HDAC3: variants seen among roughly 807,000 people sequenced by gnomAD.
HDAC3 encodes the protein SMAP45.
HDAC3 carries 21 observed loss-of-function variants against 62.3 expected under a neutral mutation model. The ratio of observed to expected loss-of-function variants is 0.34; its 90% confidence interval spans 0.24 to 0.49. HDAC3 has a LOEUF of 0.49. Among genes scored for constraint, HDAC3 ranks in the 20% least tolerant of loss-of-function variants. The pLI is 0.99. For synonymous variants in HDAC3, 198 were observed against 206.5 expected, an observed-to-expected ratio of 0.96 and a Z score of 0.35; for missense variants, 270 against 556.9, an observed-to-expected ratio of 0.48 and a Z score of 5.19.
At position 141,621,321 on chromosome 5, in the gene HDAC3, G is replaced by A. The variant is rs1218491521; in HGVS notation, c.*147C>T. On this transcript the variant is annotated 3_prime_UTR_variant, in exon 15 of 15. Coordinates refer to ENST00000305264, the MANE Select transcript of HDAC3 (RefSeq NM_003883.4). ...GAGAGGAAAAGCAGGTAGATGGTTC[G>A]AGAACCAAATGTGGTCTCCAGACTC... 8.6e-6 allele frequency: 6 copies of A among 701,260 alleles called. No individual in the cohort carries two copies. The highest frequency in any genetic ancestry group is 3.2e-5 in the South Asian group (2 of 62,836). 43.4% of individuals were successfully genotyped at this position (701,260 alleles called of 1,614,324 possible). A position where few individuals can be genotyped will look rare whatever the true frequency, so the allele number is the denominator to read the frequency against.
Position 141,626,574 on chromosome 5 carries a change from C to T in HDAC3, c.831-291G>A, listed in dbSNP as rs2099904451. 2.5e-6 allele frequency: 1 copy of T among 394,822 alleles called. No individual in the cohort carries two copies. The highest frequency in any genetic ancestry group is 2.4e-5 in the South Asian group (1 of 41,530). 24.5% of individuals were successfully genotyped at this position (394,822 alleles called of 1,614,324 possible). A position where few individuals can be genotyped will look rare whatever the true frequency, so the allele number is the denominator to read the frequency against. ...TCAACCCAAGTTCTGTCAATTCTAG[C>T]CTTGAAAATATAACTCACGCCCGGC... On this transcript the variant is annotated intron_variant, in intron 10 of 14. Transcript: ENST00000305264. The surrounding 1 kb of genome is among the most constrained non-coding windows in gnomAD (Gnocchi z 4.6).
At chr5:141,636,514 C>T (rs184990827) in intron 2 of HDAC3, 34 bp downstream of exon 2, 1 of 1,593,528 alleles carries the variant, frequency 6.3e-7, no homozygotes, top group East Asian at 2.2e-5. Flanking sequence ...GCTCGCCCCA[C>T]CCCCCAACCC....
chr5:141,627,103 G>A (rs114167449), intron 10 of HDAC3, among the ~76,000 whole-genome samples: 4,881 of 152,100 alleles, frequency 0.032, 118 homozygotes, highest in South Asian at 0.075. Context: ...CCAGCTTCTC[G>A]GACCTCACCT....
intron 3 of HDAC3, among the ~76,000 whole-genome samples, chr5:141,630,361 G>T (rs1287805323): frequency 2.6e-5 from 4 of 152,258 alleles, no homozygotes; most frequent in Admixed American, 6.5e-5. Context: ...CAGGGAGTTT[G>T]TATCCTAGCT....
chr5:141,636,412 T>A, intron 2 of HDAC3, 136 bp downstream of exon 2: 1 of 739,958 alleles, frequency 1.4e-6, no homozygotes, highest in South Asian at 1.6e-5. Flanking sequence ...ACTTTCAAGG[T>A]ACTCCTGGTG....
In HDAC3 at chr5:141,630,080, G is replaced by A. The variant is rs755542561; in HGVS notation, c.327C>T (p.Gly109=). ...GLFEFCSRYT[G]ASLQGATQLN... is the part of the protein sequence containing the mutation. ...GCTGGGTTGCTCCTTGCAGAGATGC[G>A]CCTGTGTAACGCGAGCAGAACTCAA... Residue 109 remains glycine, a synonymous_variant, in exon 4 of 15, where the codon GGC becomes GGT. Transcript: ENST00000305264. 18 of 1,613,996 alleles carry A rather than the reference G, an allele frequency of 1.1e-5. No individual in the cohort carries two copies. The highest frequency in any genetic ancestry group is 1.1e-4 in the South Asian group (10 of 91,086).
intron 2 of HDAC3, 145 bp downstream of exon 2, chr5:141,636,403 C>T (rs1049311840): frequency 2.8e-6 from 2 of 718,644 alleles, no homozygotes; most frequent in African/African-American, 3.5e-5. Flanking sequence ...ACACCCTGCA[C>T]TTTCAAGGTA....
At chr5:141,622,668 G>C (rs1244391261) in intron 14 of HDAC3, among the ~76,000 whole-genome samples, 2 of 152,090 alleles carry the variant, frequency 1.3e-5, no homozygotes, top group Non-Finnish European at 2.9e-5. Flanking sequence ...AGTCATCAAA[G>C]AGAAGCTGAG....
intron 3 of HDAC3, among the ~76,000 whole-genome samples, chr5:141,633,039 T>C (rs180778380): frequency 4.6e-5 from 7 of 152,342 alleles, no homozygotes; most frequent in East Asian, 1.9e-4. Context: ...AATTTACTTA[T>C]ATATAACATC....
In HDAC3 at chr5:141,629,092, T is replaced by G; in HGVS notation, c.610+81A>C. 2 of 1,455,096 alleles carry G rather than the reference T, an allele frequency of 1.4e-6. No homozygotes were observed. Among genetic ancestry groups the G allele is most frequent in the Non-Finnish European group, 1.9e-6 (2 of 1,056,518 alleles). The allele number at this position is 1,455,096 out of a possible 1,614,324, so 90.1% of individuals were successfully genotyped here. A position where few individuals can be genotyped will look rare whatever the true frequency, so the allele number is the denominator to read the frequency against. ...TTCTCTGAGGAGGGGACACCTGAGA[T>G]GAGACTAGAAGGCTGAGAAGGAGGC... On this transcript the variant is annotated intron_variant, in intron 7 of 14. Coordinates refer to ENST00000305264, the MANE Select transcript of HDAC3 (RefSeq NM_003883.4). The surrounding 1 kb of genome is among the most constrained non-coding windows in gnomAD (Gnocchi z 5.3).
At chr5:141,621,993 C>T (rs1038834236) in intron 14 of HDAC3, among the ~76,000 whole-genome samples, 1 of 152,054 alleles carries the variant, frequency 6.6e-6, no homozygotes, top group Non-Finnish European at 1.5e-5. Flanking sequence ...TTCCAAGCTG[C>T]AAGAAAACCA....
chr5:141,636,526 CG>C, intron 2 of HDAC3, 21 bp downstream of exon 2: 1 of 1,611,740 alleles, frequency 6.2e-7, no homozygotes, highest in Non-Finnish European at 8.5e-7. Context: ...CCCCAACCCC[CG>C]GCCGAGGCGG....
At position 141,625,673 on chromosome 5, in the gene HDAC3, T is replaced by C; in HGVS notation, c.1059+12A>G. The C allele has an allele frequency of 2.5e-6, 4 of 1,613,072 alleles. No homozygotes were observed. Among genetic ancestry groups the C allele is most frequent in the Non-Finnish European group, 3.4e-6 (4 of 1,179,012 alleles). ...AGGAGAAGTTTGTGCTCAGCTTTTCTGAGCTGCTGACCTGGCGTGAGTTCT... is the reference window on the plus strand; with the variant it reads ...AGGAGAAGTTTGTGCTCAGCTTTTCCGAGCTGCTGACCTGGCGTGAGTTCT... On this transcript the variant is annotated intron_variant, in intron 13 of 14. Transcript: ENST00000305264. The surrounding 1 kb of genome is among the most constrained non-coding windows in gnomAD (Gnocchi z 4.0).
intron 14 of HDAC3, among the ~76,000 whole-genome samples, chr5:141,623,658 G>C (rs2099904004): frequency 6.6e-6 from 1 of 152,206 alleles, no homozygotes; most frequent in Admixed American, 6.5e-5. Flanking sequence ...TGGAGGAAGA[G>C]AGTTGCAGAG....
rs773685980 is a variant in HDAC3 at position 141,636,767 on chromosome 5, G to A, written c.24C>T (p.Phe8=). ...GGAAGTTGCCCACGTCGGGGTCGTA[G>A]AAATAGGCCACGGTCTTGGCCATGG... MAKTVAY[F]YDPDVGNFHY... is the part of the protein sequence containing the mutation. The change falls in exon 1 of 15, where the codon TTC becomes TTT. Residue 8 remains phenylalanine, a synonymous_variant. Coordinates refer to ENST00000305264, the MANE Select transcript of HDAC3 (RefSeq NM_003883.4). The A allele has an allele frequency of 1.9e-6, 3 of 1,614,002 alleles. No homozygotes were observed. Among genetic ancestry groups the A allele is most frequent in the Non-Finnish European group, 2.5e-6 (3 of 1,179,906 alleles).
chr5:141,630,229 CT>C (rs1327085650), intron 3 of HDAC3, 104 bp from the exon 4 acceptor site: 29 of 1,075,512 alleles, frequency 2.7e-5, no homozygotes, highest in Non-Finnish European at 4.1e-5. Flanking sequence ...TTTCAAGAAC[CT>C]TCTCTCCCTC....
Position 141,621,289 on chromosome 5 carries a change from T to C in HDAC3, c.*179A>G, listed in dbSNP as rs1364339558. The C allele has an allele frequency of 1.6e-6, 1 of 634,230 alleles. No individual in the cohort carries two copies. The highest frequency in any genetic ancestry group is 1.9e-5 in the African/African-American group (1 of 53,816). The allele number at this position is 634,230 out of a possible 1,614,324, so 39.3% of individuals were successfully genotyped here. ...CCTAATAGGTACCATTGTCAGGCCT[T>C]GGGAGAGAGAGGAAAAGCAGGTAGA... On this transcript the variant is annotated 3_prime_UTR_variant, in exon 15 of 15. Coordinates refer to ENST00000305264, the MANE Select transcript of HDAC3 (RefSeq NM_003883.4).
intron 2 of HDAC3, 38 bp downstream of exon 2, chr5:141,636,510 C>G (rs2099906037): frequency 1.3e-6 from 2 of 1,592,948 alleles, no homozygotes; most frequent in Non-Finnish European, 1.7e-6. Context: ...CACAGCTCGC[C>G]CCACCCCCCA....
Position 141,626,538 on chromosome 5 carries a change from A to G in HDAC3, c.831-255T>C. On this transcript the variant is annotated intron_variant, in intron 10 of 14. Coordinates refer to ENST00000305264, the MANE Select transcript of HDAC3 (RefSeq NM_003883.4). The surrounding 1 kb of genome is among the most constrained non-coding windows in gnomAD (Gnocchi z 4.6). The stretch of plus-strand genomic sequence containing the variant: ...CTCCCTGGCACCCTGCCTGCTAATC[A>G]ACTATTCTCATCAACCCAAGTTCTG... 2.1e-6 allele frequency: 1 copy of G among 469,428 alleles called. No homozygotes were observed. The allele number at this position is 469,428 out of a possible 1,614,324, so 29.1% of individuals were successfully genotyped here.
Sources: allele counts gnomAD v4.1 joint callset (sites outside exome capture counted in the v4.1 genomes callset), GRCh38; gene constraint gnomAD v4.1.1; non-coding constraint Gnocchi (gnomAD v3.1); transcripts MANE v1.5; gene names NCBI Gene and HGNC (gene_info 2026-07-23, HGNC 2026-07-21).